Variants in TRPM3 observed in about 807,000 individuals in gnomAD.
TRPM3 encodes long transient receptor potential channel 3.
In TRPM3, 77 loss-of-function variants were observed where a neutral mutation model predicts 181.2. The ratio of observed to expected loss-of-function variants is 0.42; its 90% confidence interval spans 0.35 to 0.51. TRPM3 has a LOEUF of 0.51. Ranked by LOEUF, TRPM3 falls within the 20% of genes least tolerant of loss-of-function variation. The pLI is 0.01. For synonymous variants in TRPM3, 745 were observed against 796.4 expected, an observed-to-expected ratio of 0.94 and a Z score of 1.09; for missense variants, 1,759 against 2,196.7, an observed-to-expected ratio of 0.80 and a Z score of 3.98.
chr9:70,813,295 G>A (rs1416760699), intron 6 of TRPM3, among the ~76,000 whole-genome samples: 3 of 152,104 alleles, frequency 2.0e-5, no homozygotes, highest in Non-Finnish European at 4.4e-5. Context: ...TAAAGAAAAT[G>A]TGATACATAT....
chr9:70,998,643 C>A (rs1008609860), intron 1 of TRPM3, among the ~76,000 whole-genome samples: 1 of 152,100 alleles, frequency 6.6e-6, no homozygotes, highest in Non-Finnish European at 1.5e-5. Flanking sequence ...CTGTGCCCAA[C>A]CTACTTGTCC....
chr9:71,433,085 T>C (rs1589008471), intron 1 of TRPM3, among the ~76,000 whole-genome samples: 1 of 152,276 alleles, frequency 6.6e-6, no homozygotes, highest in African/African-American at 2.4e-5. Flanking sequence ...TTCTATGCTG[T>C]GCTATGAATA....
chr9:70,621,304 G>A (rs1432151782), intron 14 of TRPM3, 31 bp from the exon 15 acceptor site: 2 of 1,573,196 alleles, frequency 1.3e-6, no homozygotes, highest in African/African-American at 2.7e-5. Flanking sequence ...AACAAAGTTA[G>A]ATCAGTTAGA....
chr9:70,601,113 C>G (rs974140296), intron 20 of TRPM3, among the ~76,000 whole-genome samples: 2 of 152,136 alleles, frequency 1.3e-5, no homozygotes, highest in African/African-American at 4.8e-5. Flanking sequence ...GTTGTCCTTT[C>G]TAGCTGTGGG....
intron 1 of TRPM3, among the ~76,000 whole-genome samples, chr9:71,331,855 G>T: frequency 1.9e-5 from 1 of 51,890 alleles, no homozygotes; most frequent in Non-Finnish European, 3.7e-5. Context: ...AGGAAGAAGA[G>T]GAGACGGAGG....
At chr9:71,265,596 C>T (rs10512008) in intron 1 of TRPM3, among the ~76,000 whole-genome samples, 82,560 of 152,032 alleles carry the variant, frequency 0.54, 22,539 homozygotes, top group African/African-American at 0.59. Context: ...TATCCTGTCA[C>T]TTGTTTTCAA....
intron 1 of TRPM3, among the ~76,000 whole-genome samples, chr9:71,246,014 G>A (rs1490557557): frequency 2.0e-5 from 3 of 152,170 alleles, no homozygotes; most frequent in East Asian, 3.8e-4. Context: ...TAAGAAAGGA[G>A]GGATTGGAGT....
intron 1 of TRPM3, among the ~76,000 whole-genome samples, chr9:71,446,004 C>A (rs762223158): frequency 2.0e-5 from 3 of 152,186 alleles, no homozygotes; most frequent in African/African-American, 7.2e-5. Context: ...ACATATGATG[C>A]CTATATTAAT....
chr9:71,215,865 T>C (rs942377145), intron 1 of TRPM3, among the ~76,000 whole-genome samples: 1 of 152,168 alleles, frequency 6.6e-6, no homozygotes, highest in Non-Finnish European at 1.5e-5. Flanking sequence ...GGCAGGAAGT[T>C]AATATCACTG....
At chr9:70,553,114 C>A in intron 23 of TRPM3, 46 bp downstream of exon 23, 1 of 1,613,650 alleles carries the variant, frequency 6.2e-7, no homozygotes, top group Non-Finnish European at 8.5e-7. Flanking sequence ...TCCCCTTCAC[C>A]CCTGCTGTCC....
intron 8 of TRPM3, among the ~76,000 whole-genome samples, chr9:70,691,900 T>C (rs4744609): frequency 0.64 from 96,960 of 152,054 alleles, 31,282 homozygotes; most frequent in African/African-American, 0.73. Flanking sequence ...GGGTTCTTAG[T>C]TCCTGTTTCT....
intron 1 of TRPM3, among the ~76,000 whole-genome samples, chr9:71,310,575 A>T (rs1055462181): frequency 3.3e-5 from 5 of 152,124 alleles, no homozygotes; most frequent in Non-Finnish European, 5.9e-5. Context: ...CAAGTTTCCT[A>T]CCTATAATTT....
chr9:71,064,396 C>T (rs1399180594), intron 1 of TRPM3, among the ~76,000 whole-genome samples: 1 of 150,502 alleles, frequency 6.6e-6, no homozygotes, highest in African/African-American at 2.4e-5. Flanking sequence ...AAATTGTTTA[C>T]ATTACACAAG....
intron 1 of TRPM3, among the ~76,000 whole-genome samples, chr9:71,127,852 C>A (rs952064850): frequency 6.6e-6 from 1 of 152,086 alleles, no homozygotes; most frequent in Admixed American, 6.6e-5. Flanking sequence ...TGCTTTAGTG[C>A]CTTCATCTGC....
At chr9:70,788,625 T>A (rs189257327) in intron 6 of TRPM3, among the ~76,000 whole-genome samples, 256 of 152,230 alleles carry the variant, frequency 1.7e-3, no homozygotes, top group African/African-American at 6.0e-3. Flanking sequence ...GCATTTATTA[T>A]GCACTTTACT....
chr9:71,267,715 C>T (rs543755100), intron 1 of TRPM3, among the ~76,000 whole-genome samples: 1 of 152,202 alleles, frequency 6.6e-6, no homozygotes, highest in South Asian at 2.1e-4. Context: ...TTTTTAAATG[C>T]CCAGCCACAC....
chr9:71,083,781 T>C (rs570476916), intron 1 of TRPM3, among the ~76,000 whole-genome samples: 99 of 151,532 alleles, frequency 6.5e-4, no homozygotes, highest in African/African-American at 2.2e-3. Flanking sequence ...TGCCAGGTAC[T>C]TTCTGAATAT....
At chr9:70,842,887 G>C (rs2132008370) in intron 5 of TRPM3, 116 bp downstream of exon 5, 2 of 977,306 alleles carry the variant, frequency 2.0e-6, no homozygotes, top group Non-Finnish European at 3.0e-6. Flanking sequence ...TTTCATTTTA[G>C]TGAGTAGAGA....
At chr9:70,692,958 G>C (rs1338064341) in intron 8 of TRPM3, among the ~76,000 whole-genome samples, 1 of 152,208 alleles carries the variant, frequency 6.6e-6, no homozygotes, top group Non-Finnish European at 1.5e-5. Context: ...ACCTATGATT[G>C]ACATATCTTT....
Sources: gnomAD v4.1 joint callset for allele counts (sites outside exome capture counted in the v4.1 genomes callset) on GRCh38, gnomAD v4.1.1 for gene constraint, MANE v1.5 for transcripts, NCBI Gene and HGNC (gene_info 2026-07-23, HGNC 2026-07-21) for gene names.